Variants in TMEM131 observed in about 807,000 individuals in gnomAD.
TMEM131 encodes 2610524E03Rik.
A neutral mutation model predicts 211.6 loss-of-function variants in TMEM131; 66 were observed. That is an observed-to-expected ratio of 0.31 (90% CI 0.26 to 0.38). The LOEUF is 0.38. TMEM131 is among the 10% of genes least tolerant of loss of function. The pLI is 1.00. For synonymous variants in TMEM131, 844 were observed against 841.3 expected (o/e 1.00, Z -0.06); for missense variants, 2,036 against 2,299.3 (o/e 0.89, Z 2.34).
At chr2:97,890,970 T>C (rs1377050468) in intron 3 of TMEM131, among the ~76,000 whole-genome samples, 2 of 152,176 alleles carry the variant, frequency 1.3e-5, no homozygotes, top group African/African-American at 4.8e-5. Flanking sequence ...TTCAAAACCA[T>C]ACCAGATCTA....
chr2:97,885,576 A>C (rs1348646344), intron 4 of TMEM131, among the ~76,000 whole-genome samples: 1 of 151,410 alleles, frequency 6.6e-6, no homozygotes, highest in Non-Finnish European at 1.5e-5. Context: ...CCCCACCCCC[A>C]CTTTGAGTAT....
At chr2:97,836,928 T>C (rs996464410) in intron 8 of TMEM131, 149 bp downstream of exon 8, 2 of 671,820 alleles carry the variant, frequency 3.0e-6, no homozygotes, top group Non-Finnish European at 5.0e-6. Flanking sequence ...CCAATTTTCA[T>C]ATATACTTGA....
At chr2:97,797,539 G>C (rs928392086) in intron 25 of TMEM131, 23 bp from the exon 26 acceptor site, 20 of 1,592,006 alleles carry the variant, frequency 1.3e-5, no homozygotes, top group Non-Finnish European at 1.7e-5. Flanking sequence ...GGTAAACAGA[G>C]AGGAGTCATG....
At chr2:97,950,358 C>T (rs1331414405) in intron 1 of TMEM131, among the ~76,000 whole-genome samples, 3 of 152,170 alleles carry the variant, frequency 2.0e-5, no homozygotes, top group African/African-American at 7.2e-5. Flanking sequence ...TGATTATAAG[C>T]TATGTTTCAA....
intron 4 of TMEM131, chr2:97,887,837 A>G (rs972135063): frequency 2.3e-6 from 1 of 436,710 alleles, no homozygotes; most frequent in African/African-American, 2.0e-5. Context: ...ACAAGCGAGT[A>G]TTTTTCAAGC....
At chr2:97,890,817 A>T (rs1675346333) in intron 3 of TMEM131, among the ~76,000 whole-genome samples, 1 of 152,134 alleles carries the variant, frequency 6.6e-6, no homozygotes, top group African/African-American at 2.4e-5. Context: ...TTTATTTTTT[A>T]TGTCTTGTGC....
chr2:97,780,341 T>C (rs1679938005), intron 31 of TMEM131, among the ~76,000 whole-genome samples: 1 of 152,138 alleles, frequency 6.6e-6, no homozygotes, highest in African/African-American at 2.4e-5. Flanking sequence ...GCCTTTCTCA[T>C]GCACCTCCAC....
intron 6 of TMEM131, among the ~76,000 whole-genome samples, chr2:97,843,323 ATTG>A (rs1683286637): frequency 6.6e-6 from 1 of 152,120 alleles, no homozygotes; most frequent in Non-Finnish European, 1.5e-5. Context: ...ATGAGCAATT[ATTG>A]TTAAGAATCT....
chr2:97,948,062 A>T (rs546256969), intron 1 of TMEM131, among the ~76,000 whole-genome samples: 1 of 152,236 alleles, frequency 6.6e-6, no homozygotes, highest in Non-Finnish European at 1.5e-5. Flanking sequence ...TTTATGTAAG[A>T]GCTAAAATTC....
At chr2:97,777,180 T>C (rs1318771534) in intron 31 of TMEM131, among the ~76,000 whole-genome samples, 1 of 152,200 alleles carries the variant, frequency 6.6e-6, no homozygotes, top group Non-Finnish European at 1.5e-5. Flanking sequence ...GCACCTCAGA[T>C]TGTGCCTGCA....
chr2:97,829,589 C>T (rs1682563106), intron 11 of TMEM131, among the ~76,000 whole-genome samples: 1 of 152,208 alleles, frequency 6.6e-6, no homozygotes, highest in Non-Finnish European at 1.5e-5. Context: ...TAAAAGCTAG[C>T]CACCCAAGCC....
intron 2 of TMEM131, chr2:97,913,156 A>C (rs1010432126): frequency 1.3e-5 from 2 of 152,174 alleles, no homozygotes; most frequent in African/African-American, 4.8e-5. Flanking sequence ...GGGGCCACTA[A>C]CATTAAGTGT....
chr2:97,858,222 A>G (rs1286534861), intron 5 of TMEM131, among the ~76,000 whole-genome samples: 2 of 152,184 alleles, frequency 1.3e-5, no homozygotes, highest in African/African-American at 4.8e-5. Context: ...ATCCCTTCAA[A>G]GGAGTCAGTG....
At chr2:97,885,384 C>T (rs749192728) in intron 4 of TMEM131, among the ~76,000 whole-genome samples, 25 of 150,876 alleles carry the variant, frequency 1.7e-4, no homozygotes, top group Non-Finnish European at 2.5e-4. Context: ...TTAGTAGAGA[C>T]GGGGTTTCAC....
chr2:97,902,555 CATAA>C (rs1235463757), intron 3 of TMEM131, among the ~76,000 whole-genome samples: 3 of 152,064 alleles, frequency 2.0e-5, no homozygotes, highest in Non-Finnish European at 4.4e-5. Context: ...TATTTATACA[CATAA>C]ACATAAACAT....
At chr2:97,859,078 T>C (rs1673963148) in intron 5 of TMEM131, among the ~76,000 whole-genome samples, 1 of 152,234 alleles carries the variant, frequency 6.6e-6, no homozygotes, top group African/African-American at 2.4e-5. Context: ...GAATGCTACC[T>C]TTTTCAGAGT....
At chr2:97,853,585 G>A (rs1047381989) in intron 5 of TMEM131, among the ~76,000 whole-genome samples, 17 of 148,004 alleles carry the variant, frequency 1.1e-4, no homozygotes, top group Non-Finnish European at 2.2e-4. Context: ...CAGCCTGGGC[G>A]ACAGAGTGAG....
At chr2:97,936,330 G>A (rs1348453483) in intron 1 of TMEM131, among the ~76,000 whole-genome samples, 5 of 152,266 alleles carry the variant, frequency 3.3e-5, no homozygotes, top group South Asian at 2.1e-4. Flanking sequence ...TGTACGCATC[G>A]GGCTCTGGCT....
At chr2:97,800,102 G>C (rs1173462376) in intron 25 of TMEM131, among the ~76,000 whole-genome samples, 1 of 152,144 alleles carries the variant, frequency 6.6e-6, no homozygotes, top group African/African-American at 2.4e-5. Context: ...CCCGGCCTCA[G>C]TTTCAGTTTC....
Sources: gnomAD v4.1 joint callset for allele counts (sites outside exome capture counted in the v4.1 genomes callset) on GRCh38, gnomAD v4.1.1 for gene constraint, MANE v1.5 for transcripts, NCBI Gene and HGNC (gene_info 2026-07-23, HGNC 2026-07-21) for gene names.